Variants in ARID4B observed in about 807,000 individuals in gnomAD.
ARID4B encodes the protein AT-rich interactive domain-containing protein 4B.
ARID4B carries 26 observed loss-of-function variants against 147.5 expected under a neutral mutation model. The ratio of observed to expected loss-of-function variants is 0.18; its 90% confidence interval spans 0.13 to 0.24. ARID4B has a LOEUF of 0.24. Ranked by LOEUF, ARID4B falls within the 10% of genes least tolerant of loss-of-function variation. ARID4B has a pLI of 1.00. For synonymous variants in ARID4B, 512 were observed against 507.9 expected, an observed-to-expected ratio of 1.01 and a Z score of -0.11; for missense variants, 1,179 against 1,511.5, an observed-to-expected ratio of 0.78 and a Z score of 3.65.
At chr1:235,210,053 C>T (rs566588874) in intron 17 of ARID4B, among the ~76,000 whole-genome samples, 2 of 151,950 alleles carry the variant, frequency 1.3e-5, no homozygotes, top group Non-Finnish European at 2.9e-5. Flanking sequence ...CATAGTGAGA[C>T]CCCATCTCTA....
At chr1:235,278,211 G>C (rs1671460940) in intron 2 of ARID4B, among the ~76,000 whole-genome samples, 1 of 152,152 alleles carries the variant, frequency 6.6e-6, no homozygotes, top group Non-Finnish European at 1.5e-5. Flanking sequence ...ATCAGACCTG[G>C]AGTTTTAAAA....
intron 17 of ARID4B, among the ~76,000 whole-genome samples, chr1:235,207,994 T>G (rs1245269686): frequency 6.6e-6 from 1 of 152,212 alleles, no homozygotes; most frequent in Non-Finnish European, 1.5e-5. Flanking sequence ...AGTTTTACAG[T>G]GTCTCTTTTA....
At chr1:235,175,103 C>G in intron 22 of ARID4B, 81 bp downstream of exon 22, 1 of 1,303,698 alleles carries the variant, frequency 7.7e-7, no homozygotes, top group Non-Finnish European at 1.1e-6. Context: ...GAGACTCTGT[C>G]TCTAAAAACA....
chr1:235,264,756 G>A (rs1468021357), intron 2 of ARID4B, among the ~76,000 whole-genome samples: 2 of 152,026 alleles, frequency 1.3e-5, no homozygotes, highest in Admixed American at 6.6e-5. Context: ...CTTAATATTC[G>A]AGGGGCAAAA....
At chr1:235,320,165 C>T (rs1674725780) in intron 2 of ARID4B, among the ~76,000 whole-genome samples, 1 of 151,394 alleles carries the variant, frequency 6.6e-6, no homozygotes, top group African/African-American at 2.4e-5. Flanking sequence ...ATTAGCCAGG[C>T]GTGGTGGCAG....
At chr1:235,194,589 G>A (rs571320290) in intron 18 of ARID4B, among the ~76,000 whole-genome samples, 132 of 152,212 alleles carry the variant, frequency 8.7e-4, no homozygotes, top group Middle Eastern at 3.4e-3. Context: ...GGGAGGCCGC[G>A]GCAGGTGGAT....
intron 16 of ARID4B, among the ~76,000 whole-genome samples, 192 bp downstream of exon 16, chr1:235,219,601 T>C (rs1265808591): frequency 6.6e-6 from 1 of 152,220 alleles, no homozygotes; most frequent in African/African-American, 2.4e-5. Context: ...GATCAAAGTA[T>C]GATCTTTCTC....
intron 17 of ARID4B, 58 bp downstream of exon 17, chr1:235,213,711 T>C: frequency 6.6e-7 from 1 of 1,515,054 alleles, no homozygotes; most frequent in East Asian, 2.3e-5. Context: ...AGTTTTTAAA[T>C]AGAAAAGTAT....
chr1:235,302,521 GTTAAA>G (rs1371923458), intron 2 of ARID4B, among the ~76,000 whole-genome samples: 2 of 152,024 alleles, frequency 1.3e-5, no homozygotes. Context: ...GATATGCTGG[GTTAAA>G]TTAAACATTA....
At chr1:235,309,649 G>A (rs567780004) in intron 2 of ARID4B, among the ~76,000 whole-genome samples, 8 of 151,906 alleles carry the variant, frequency 5.3e-5, no homozygotes, top group Non-Finnish European at 8.8e-5. Flanking sequence ...CCCTCTGCCC[G>A]GCCGCCACCC....
At chr1:235,182,997 G>A (rs987129779) in intron 19 of ARID4B, among the ~76,000 whole-genome samples, 21 of 152,090 alleles carry the variant, frequency 1.4e-4, no homozygotes, top group Middle Eastern at 6.8e-3. Context: ...TTACGATCAC[G>A]GTGATGGTTG....
Position 235,182,502 on chromosome 1 carries a change from T to C in ARID4B, c.2417A>G (p.Asp806Gly). The C allele has an allele frequency of 6.2e-7, 1 of 1,613,368 alleles. No homozygotes were observed. The change falls in exon 20 of 24, where the codon GAT becomes GGT. Residue 806 changes from aspartate (D) to glycine (G), a missense_variant. By Grantham distance (94) the Asp-to-Gly change is moderately conservative. Transcript: ENST00000264183. ...EEDEVTKKRK[D>G]VKKDTTDKSS... is the part of the protein sequence containing the mutation. Reference sequence around the variant, plus strand: ...TTTATCTGTTGTGTCCTTCTTGACATCCTTTCTCTTTTTTGTGACTTCATC... The same window carrying C: ...TTTATCTGTTGTGTCCTTCTTGACACCCTTTCTCTTTTTTGTGACTTCATC...
chr1:235,198,279 G>A (rs900982696), intron 17 of ARID4B, among the ~76,000 whole-genome samples: 2 of 152,018 alleles, frequency 1.3e-5, no homozygotes, highest in African/African-American at 4.8e-5. Flanking sequence ...AATTCAACCT[G>A]GGTTTTATTA....
chr1:235,195,209 T>G (rs2102962717), intron 18 of ARID4B, among the ~76,000 whole-genome samples: 1 of 152,310 alleles, frequency 6.6e-6, no homozygotes, highest in South Asian at 2.1e-4. Context: ...AAATTTAGTC[T>G]TAGAATGAAT....
intron 11 of ARID4B, chr1:235,228,339 A>G (rs1667972950): frequency 7.9e-6 from 1 of 127,010 alleles, no homozygotes; most frequent in African/African-American, 3.0e-5. Flanking sequence ...TCTGTCACCC[A>G]GGATGTAGGG....
At chr1:235,232,629 G>T (rs1668311669) in intron 9 of ARID4B, among the ~76,000 whole-genome samples, 1 of 151,650 alleles carries the variant, frequency 6.6e-6, no homozygotes, top group African/African-American at 2.4e-5. Flanking sequence ...AGCTACTTGG[G>T]AGGCTGCCAG....
rs60537954 is a variant in ARID4B at position 235,182,807 on chromosome 1, G to GAAAAAAAAAA, written c.2126-15_2126-14insTTTTTTTTTT. 6.5e-7 allele frequency: 1 copy of GAAAAAAAAAA among 1,540,344 alleles called. No homozygotes were observed. Among genetic ancestry groups the GAAAAAAAAAA allele is most frequent in the Non-Finnish European group, 8.7e-7 (1 of 1,146,524 alleles). ...AACTTTCAGAAGCTAGAAAATAACA[G>GAAAAAAAAAA]AAAAAAAAATGATGAGTATGATAAG... On this transcript the variant is annotated splice_polypyrimidine_tract_variant and intron_variant, in intron 19 of 23. Transcript: ENST00000264183.
intron 2 of ARID4B, among the ~76,000 whole-genome samples, chr1:235,306,110 A>C (rs75049422): frequency 0.057 from 8,684 of 152,328 alleles, 325 homozygotes; most frequent in Non-Finnish European, 0.085. Context: ...GGCTGGTGTG[A>C]TAAATATTTT....
Position 235,224,767 on chromosome 1 carries a change from T to C in ARID4B, c.906A>G (p.Ile302Met), listed in dbSNP as rs1162642847. ...EDNSSEEEEE[I>M]EPFPEERENF... ...TCTCCCTTTCTTCTGGAAATGGTTC[T>C]ATTTCTTCCTAATTTTAATCACAGA... Residue 302 changes from isoleucine to methionine, a missense_variant, in exon 12 of 24, where the codon ATA (isoleucine) becomes ATG (methionine). Coordinates refer to ENST00000264183, the MANE Select transcript of ARID4B (RefSeq NM_016374.6). 1.9e-6 allele frequency: 3 copies of C among 1,582,338 alleles called. No homozygotes were observed. The Admixed American group carries it at 5.2e-5, about 27-fold the overall frequency.
Sources: gnomAD v4.1 joint callset for allele counts (sites outside exome capture counted in the v4.1 genomes callset) on GRCh38, gnomAD v4.1.1 for gene constraint, MANE v1.5 for transcripts, NCBI Gene and HGNC (gene_info 2026-07-23, HGNC 2026-07-21) for gene names.